KSR1: variants seen among roughly 807,000 people sequenced by gnomAD.
KSR1 encodes kinase suppressor of ras 1, also known as kinase suppressor of ras.
A neutral mutation model predicts 92.9 loss-of-function variants in KSR1; 35 were observed. That is an observed-to-expected ratio of 0.38 (90% CI 0.29 to 0.50). The LOEUF (loss-of-function observed/expected upper bound fraction) is 0.50, where lower values mean the gene tolerates loss of function less well. Among genes scored for constraint, KSR1 ranks in the 20% least tolerant of loss-of-function variants. The pLI is 0.94. For synonymous variants in KSR1, 467 were observed against 472.6 expected (o/e 0.99, Z 0.15); for missense variants, 972 against 1,158.5 (o/e 0.84, Z 2.34).
intron 2 of KSR1, among the ~76,000 whole-genome samples, chr17:27,552,225 G>A (rs1009917357): frequency 2.0e-5 from 3 of 152,166 alleles, no homozygotes; most frequent in Non-Finnish European, 2.9e-5. Flanking sequence ...TGACCTAACC[G>A]ATTTGTTGTC....
intron 1 of KSR1, among the ~76,000 whole-genome samples, chr17:27,497,435 TGAA>T (rs1346968115): frequency 6.6e-6 from 1 of 152,208 alleles, no homozygotes; most frequent in Non-Finnish European, 1.5e-5. Context: ...AACCCCATAA[TGAA>T]GAAGATGTCT....
At chr17:27,528,345 G>A (rs554573947) in intron 1 of KSR1, among the ~76,000 whole-genome samples, 1 of 152,110 alleles carries the variant, frequency 6.6e-6, no homozygotes, top group South Asian at 2.1e-4. Context: ...GGGATTACGG[G>A]TGTGAACCAC....
At chr17:27,515,221 G>A (rs1174215356) in intron 1 of KSR1, among the ~76,000 whole-genome samples, 1 of 152,218 alleles carries the variant, frequency 6.6e-6, no homozygotes, top group Non-Finnish European at 1.5e-5. Context: ...TTTAATTGCA[G>A]TCATGTGCCG....
intron 14 of KSR1, among the ~76,000 whole-genome samples, chr17:27,607,075 G>A (rs562222544): frequency 2.6e-5 from 4 of 152,068 alleles, no homozygotes; most frequent in African/African-American, 4.8e-5. Context: ...GAGGTGATCC[G>A]CCCACCTCAG....
At chr17:27,540,343 T>C (rs1031644467) in intron 1 of KSR1, among the ~76,000 whole-genome samples, 52 of 152,212 alleles carry the variant, frequency 3.4e-4, no homozygotes, top group Admixed American at 1.8e-3. Flanking sequence ...AGACTTTGCA[T>C]TCCCAGTGGA....
intron 2 of KSR1, among the ~76,000 whole-genome samples, chr17:27,568,932 G>A (rs2072195378): frequency 6.6e-6 from 1 of 152,074 alleles, no homozygotes; most frequent in Non-Finnish European, 1.5e-5. Flanking sequence ...GTGCAGGGCG[G>A]GACTTTCTCA....
intron 1 of KSR1, among the ~76,000 whole-genome samples, chr17:27,534,616 G>A (rs1306902046): frequency 2.6e-5 from 4 of 152,220 alleles, no homozygotes; most frequent in Non-Finnish European, 5.9e-5. Flanking sequence ...TACTGCCCCT[G>A]GCTGGCATTC....
intron 2 of KSR1, among the ~76,000 whole-genome samples, chr17:27,573,876 G>A (rs1341745054): frequency 1.3e-5 from 2 of 152,232 alleles, no homozygotes; most frequent in Admixed American, 1.3e-4. Flanking sequence ...TATTGTTCTG[G>A]CAAATAGTTT....
chr17:27,601,700 G>A (rs1330348427), intron 11 of KSR1, among the ~76,000 whole-genome samples: 1 of 152,236 alleles, frequency 6.6e-6, no homozygotes, highest in Admixed American at 6.5e-5. Flanking sequence ...ATGGCAGAAG[G>A]ACTAGAATCT....
In KSR1 at chr17:27,485,687, G is replaced by A. The variant is rs115272140; in HGVS notation, c.231+28813G>A. On this transcript the variant is annotated intron_variant, in intron 1 of 20. Coordinates refer to ENST00000644974, the MANE Select transcript of KSR1 (RefSeq NM_001394583.1). The stretch of plus-strand genomic sequence containing the variant: ...GTTTCAGTGAACCTACCTGTCTCAC[G>A]TGTTGGGGGCAAAATCGTGTCATCA... 2.5e-3 allele frequency among the ~76,000 whole-genome samples: 386 copies of A among 151,920 alleles called. 3 individuals are homozygous for A. The highest frequency in any genetic ancestry group is 8.9e-3 in the African/African-American group (370 of 41,402).
chr17:27,543,691 G>A (rs1442011575), intron 1 of KSR1, among the ~76,000 whole-genome samples: 1 of 152,176 alleles, frequency 6.6e-6, no homozygotes, highest in African/African-American at 2.4e-5. Context: ...CAGGATGCCA[G>A]GTTACGGGTG....
At chr17:27,491,663 C>G (rs532649955) in intron 1 of KSR1, among the ~76,000 whole-genome samples, 1 of 152,172 alleles carries the variant, frequency 6.6e-6, no homozygotes, top group African/African-American at 2.4e-5. Context: ...TTGGTGTTTT[C>G]TTTCAAATTA....
At chr17:27,526,337 G>T (rs1476205327) in intron 1 of KSR1, 8 of 1,284,584 alleles carry the variant, frequency 6.2e-6, no homozygotes, top group Middle Eastern at 2.9e-4. Flanking sequence ...CCATGTTCCA[G>T]ACATTCTTTG....
chr17:27,608,402 C>T (rs748304382), intron 15 of KSR1, among the ~76,000 whole-genome samples: 12 of 152,094 alleles, frequency 7.9e-5, no homozygotes, highest in African/African-American at 1.4e-4. Context: ...GTTAAAAACG[C>T]GATAATCCAT....
chr17:27,460,725 C>G (rs767910606), intron 1 of KSR1, among the ~76,000 whole-genome samples: 5 of 152,108 alleles, frequency 3.3e-5, no homozygotes, highest in Non-Finnish European at 7.4e-5. Flanking sequence ...GTGTGGGGGA[C>G]CTGAGCTCTC....
At position 27,577,738 on chromosome 17, in the gene KSR1, GGGTTT is replaced by G; in HGVS notation, c.520+100_520+104del. On this transcript the variant is annotated intron_variant, in intron 3 of 20. Coordinates refer to ENST00000644974, the MANE Select transcript of KSR1 (RefSeq NM_001394583.1). This position sits in a 1 kb window ranked among gnomAD's most constrained non-coding sequence, Gnocchi z 4.5. Reference sequence around the variant, plus strand: ...GATGGAGCGGGGCAAGCGTGGCCCAGGGTTTCTGGGGCAGCCTGGAAAGGCCAGGG... The same window carrying G: ...GATGGAGCGGGGCAAGCGTGGCCCAGCTGGGGCAGCCTGGAAAGGCCAGGG... The G allele has an allele frequency of 9.8e-7, 1 of 1,018,446 alleles. No individual in the cohort carries two copies. Among genetic ancestry groups the G allele is most frequent in the Non-Finnish European group, 1.5e-6 (1 of 674,116 alleles). The allele number at this position is 1,018,446 out of a possible 1,614,324, so 63.1% of individuals were successfully genotyped here.
At chr17:27,495,356 G>A (rs949401364) in intron 1 of KSR1, among the ~76,000 whole-genome samples, 6 of 152,222 alleles carry the variant, frequency 3.9e-5, no homozygotes, top group African/African-American at 1.4e-4. Flanking sequence ...AAGGCTCTGT[G>A]TGTGAGTGTG....
chr17:27,472,612 G>C (rs1444450051), intron 1 of KSR1, among the ~76,000 whole-genome samples: 3 of 152,176 alleles, frequency 2.0e-5, no homozygotes, highest in African/African-American at 7.2e-5. Flanking sequence ...TGACCAGCCT[G>C]GCCAACATGG....
chr17:27,480,604 G>A (rs1039277510), intron 1 of KSR1, among the ~76,000 whole-genome samples: 1 of 152,080 alleles, frequency 6.6e-6, no homozygotes, highest in African/African-American at 2.4e-5. Context: ...CTTCATGTTG[G>A]CCAGACTGGT....
Sources: allele counts gnomAD v4.1 joint callset (sites outside exome capture counted in the v4.1 genomes callset), GRCh38; gene constraint gnomAD v4.1.1; non-coding constraint Gnocchi (gnomAD v3.1); transcripts MANE v1.5; gene names NCBI Gene and HGNC (gene_info 2026-07-23, HGNC 2026-07-21).